The following KHDRBS1 variants were observed in gnomAD, a reference collection of about 807,000 sequenced individuals.
KHDRBS1 encodes the protein KH domain-containing, RNA-binding, signal transduction-associated protein 1.
Under a neutral mutation model 48.4 loss-of-function variants are expected in KHDRBS1, and 7 were observed. The observed-to-expected ratio is 0.14, with a 90% CI of 0.08 to 0.27. KHDRBS1 has a LOEUF of 0.27. KHDRBS1 is among the 10% of genes least tolerant of loss of function. The pLI, the probability that KHDRBS1 is intolerant of heterozygous loss-of-function variation, is 1.00. For missense variants in KHDRBS1, 458 were observed against 601.2 expected (o/e 0.76, Z 2.49); for synonymous variants, 241 against 235.8 (o/e 1.02, Z -0.20).
At position 32,031,654 on chromosome 1, in the gene KHDRBS1, A is replaced by G. The variant is rs2124377096; in HGVS notation, c.624+14A>G. The G allele has an allele frequency of 2.6e-6, 4 of 1,531,984 alleles. No homozygotes were observed. The highest frequency in any genetic ancestry group is 3.6e-6 in the Non-Finnish European group (4 of 1,113,996). 94.9% of individuals were successfully genotyped at this position (1,531,984 alleles called of 1,614,324 possible). A position where few individuals can be genotyped will look rare whatever the true frequency, so the allele number is the denominator to read the frequency against. Reference sequence around the variant, plus strand: ...GACAAAGCCAAGGTAAGCTCACATTAGTGAGGCAAGAGGACATCCTAATGC... The same window carrying G: ...GACAAAGCCAAGGTAAGCTCACATTGGTGAGGCAAGAGGACATCCTAATGC... On this transcript the variant is annotated intron_variant, in intron 3 of 8. Transcript: ENST00000327300.
intron 3 of KHDRBS1, 32 bp downstream of exon 3, chr1:32,031,672 C>A: frequency 7.3e-7 from 1 of 1,376,078 alleles, no homozygotes. Context: ...AAGAGGACAT[C>A]CTAATGCCTT....
intron 1 of KHDRBS1, among the ~76,000 whole-genome samples, chr1:32,014,621 G>T (rs1638698540): frequency 2.0e-5 from 3 of 152,206 alleles, no homozygotes; most frequent in Non-Finnish European, 4.4e-5. Context: ...TGTCTTGATG[G>T]ATAGTGCTGA....
downstream of KHDRBS1, among the ~76,000 whole-genome samples, chr1:32,046,413 C>A (rs971091261): frequency 3.9e-5 from 6 of 152,148 alleles, no homozygotes; most frequent in African/African-American, 1.4e-4. Context: ...CGAGGTTTCA[C>A]CTTATTGGTC....
intron 1 of KHDRBS1, among the ~76,000 whole-genome samples, chr1:32,014,696 C>T (rs1402365402): frequency 2.0e-5 from 3 of 152,246 alleles, no homozygotes; most frequent in Non-Finnish European, 4.4e-5. Context: ...CGCGCAGATT[C>T]TTCCAGAAAT....
downstream of KHDRBS1, among the ~76,000 whole-genome samples, chr1:32,046,624 A>G (rs780979329): frequency 6.6e-6 from 1 of 152,216 alleles, no homozygotes; most frequent in Non-Finnish European, 1.5e-5. Context: ...GGCTGTGACA[A>G]CAGTGAGCTT....
At chr1:32,038,483 A>C in intron 6 of KHDRBS1, 69 bp from the exon 7 acceptor site, 48 of 1,425,318 alleles carry the variant, frequency 3.4e-5, no homozygotes, top group Non-Finnish European at 4.2e-5. Flanking sequence ...CTCCCATGGG[A>C]TGTAATTACC....
At position 32,037,869 on chromosome 1, in the gene KHDRBS1, G is replaced by A; in HGVS notation, c.940G>A (p.Val314Ile). Reference sequence around the variant, plus strand: ...TGTTGGACCACCTCGGGGGGCTTTGGTACGTGGTACACCAGTAAGGGGAGC... The same window carrying A: ...TGTTGGACCACCTCGGGGGGCTTTGATACGTGGTACACCAGTAAGGGGAGC... ...RGVGPPRGAL[V>I]RGTPVRGAIT... The change falls in exon 6 of 9, where the codon GTA becomes ATA. Residue 314 changes from valine (V) to isoleucine (I), a missense_variant. Physicochemically the swap from Val to Ile is conservative, Grantham distance 29. Coordinates refer to ENST00000327300, the MANE Select transcript of KHDRBS1 (RefSeq NM_006559.3). 6.2e-7 allele frequency: 1 copy of A among 1,614,208 alleles called. No homozygotes were observed. The highest frequency in any genetic ancestry group is 1.1e-5 in the South Asian group (1 of 91,088).
chr1:32,038,224 A>G, intron 6 of KHDRBS1, 188 bp downstream of exon 6: 1 of 825,080 alleles, frequency 1.2e-6, no homozygotes, highest in South Asian at 1.9e-5. Context: ...GTTTTACTAT[A>G]CGCCTGTAGA....
Position 32,017,557 on chromosome 1 carries a change from G to C in KHDRBS1, c.382+3180G>C, listed in dbSNP as rs146893447. Among the ~76,000 whole-genome samples, 815 of 146,626 alleles carry C rather than the reference G, an allele frequency of 5.6e-3. 10 individuals carry two copies. Among genetic ancestry groups the C allele is most frequent in the African/African-American group, 0.019 (782 of 40,164 alleles). The stretch of plus-strand genomic sequence containing the variant: ...CTTATTGTGTTAATATATTTATATA[G>C]TAAGTAAAATGCTGTTGTATAGATA... On this transcript the variant is annotated intron_variant, in intron 1 of 8. Transcript: ENST00000327300.
intron 10 of KHDRBS1, among the ~76,000 whole-genome samples, chr1:32,051,012 C>G (rs1208497528): frequency 1.3e-5 from 2 of 152,058 alleles, no homozygotes; most frequent in Non-Finnish European, 2.9e-5. Flanking sequence ...TTCTCCCTGC[C>G]TCAGCCTCCC....
At position 32,014,256 on chromosome 1, in the gene KHDRBS1, GC is replaced by G; in HGVS notation, c.267del (p.Ser90ArgfsTer36). 5 of 1,539,178 alleles carry G rather than the reference GC, an allele frequency of 3.2e-6. No individual in the cohort carries two copies. The highest frequency in any genetic ancestry group is 2.0e-5 in the Admixed American group (1 of 50,218). The part of the protein sequence containing the change: ...VGGPAPTPLL[P>X]PSATASVKME... ...GCGGGCCAGCGCCGACCCCGCTGCT[GC>G]CCCCCTCGGCCACAGCCTCGGTCAA... On this transcript the variant is annotated frameshift_variant, in exon 1 of 9. Coordinates refer to ENST00000327300, the MANE Select transcript of KHDRBS1 (RefSeq NM_006559.3). LOFTEE classifies it high-confidence loss of function.
rs140363505 is a variant in KHDRBS1, at chr1:32,040,928, T to G, written c.1234+1355T>G. On this transcript the variant is annotated intron_variant, in intron 8 of 8. Transcript: ENST00000327300. ...CCCAAGGAAACTGTTTTTACCAGTTTTAGCGAAATAGCACTGGACAGTTGC... is the reference window on the plus strand; with the variant it reads ...CCCAAGGAAACTGTTTTTACCAGTTGTAGCGAAATAGCACTGGACAGTTGC... Among the ~76,000 whole-genome samples the G allele has an allele frequency of 6.9e-3, 1,051 of 152,308 alleles. 4 individuals are homozygous for G. The highest frequency in any genetic ancestry group is 0.037 in the Middle Eastern group (11 of 294).
intron 1 of KHDRBS1, among the ~76,000 whole-genome samples, chr1:32,028,321 A>G (rs1639014396): frequency 6.6e-6 from 1 of 151,852 alleles, no homozygotes; most frequent in South Asian, 2.1e-4. Context: ...AATCTAGTTT[A>G]ATAAGCCCTC....
chr1:32,050,837 G>T (rs1639410567), intron 10 of KHDRBS1, among the ~76,000 whole-genome samples: 1 of 151,724 alleles, frequency 6.6e-6, no homozygotes, highest in Admixed American at 6.6e-5. Flanking sequence ...TTGCATTTAG[G>T]TCTATGATTC....
chr1:32,032,591 A>C (rs977383952), intron 3 of KHDRBS1, among the ~76,000 whole-genome samples: 1 of 152,224 alleles, frequency 6.6e-6, no homozygotes, highest in Non-Finnish European at 1.5e-5. Flanking sequence ...TGCTTTTAGT[A>C]GGAGCTCCAA....
chr1:32,046,805 CCT>C (rs1488775592), downstream of KHDRBS1, among the ~76,000 whole-genome samples: 4 of 152,112 alleles, frequency 2.6e-5, no homozygotes, highest in African/African-American at 4.8e-5. Context: ...TCCAAGCCTG[CCT>C]CTCAGCCTGT....
At chr1:32,038,808 C>T (rs1031433034) in intron 7 of KHDRBS1, among the ~76,000 whole-genome samples, 189 bp downstream of exon 7, 4 of 152,194 alleles carry the variant, frequency 2.6e-5, no homozygotes, top group African/African-American at 9.6e-5. Flanking sequence ...CCCACTTTAG[C>T]TCTCTCTAGT....
chr1:32,017,562 T>TA (rs1338342365), intron 1 of KHDRBS1, among the ~76,000 whole-genome samples: 1 of 150,482 alleles, frequency 6.6e-6, no homozygotes, highest in Non-Finnish European at 1.5e-5. Flanking sequence ...ATATAGTAAG[T>TA]AAAATGCTGT....
At chr1:32,060,831 A>G (rs988446840) in exon 11 of KHDRBS1, 10 of 152,200 alleles carry the variant, frequency 6.6e-5, no homozygotes, top group African/African-American at 2.2e-4. Flanking sequence ...GAGGACCTCA[A>G]TAAAGGTTTG....
Sources: allele counts gnomAD v4.1 joint callset (sites outside exome capture counted in the v4.1 genomes callset), GRCh38; gene constraint gnomAD v4.1.1; transcripts MANE v1.5; gene names NCBI Gene and HGNC (gene_info 2026-07-23, HGNC 2026-07-21).